The following HDAC9 variants were observed in gnomAD, a reference collection of about 807,000 sequenced individuals.
HDAC9 encodes MEF-2 interacting transcription repressor (MITR) protein.
A neutral mutation model predicts 139.4 loss-of-function variants in HDAC9; 41 were observed. The observed-to-expected ratio is 0.29, with a 90% CI of 0.23 to 0.38. HDAC9 has a LOEUF of 0.38. Among genes scored for constraint, HDAC9 ranks in the 10% least tolerant of loss-of-function variants. HDAC9 has a pLI of 1.00. For missense variants in HDAC9, 1,147 were observed against 1,297.0 expected (o/e 0.88, Z 1.78); for synonymous variants, 517 against 476.2 (o/e 1.09, Z -1.12).
intron 6 of HDAC9, among the ~76,000 whole-genome samples, chr7:18,617,417 A>G (rs1838944317): frequency 3.3e-5 from 5 of 152,140 alleles, no homozygotes; most frequent in Admixed American, 3.3e-4. Flanking sequence ...TTCCATGAAC[A>G]AATCTTTCTG....
chr7:18,461,335 A>C (rs1793830074), intron 1 of HDAC9, among the ~76,000 whole-genome samples: 1 of 152,188 alleles, frequency 6.6e-6, no homozygotes, highest in Non-Finnish European at 1.5e-5. Context: ...ATTTGGGATT[A>C]AGTTTCAGTT....
chr7:18,268,435 C>T (rs1796133050), intron 2 of HDAC9, among the ~76,000 whole-genome samples: 1 of 151,698 alleles, frequency 6.6e-6, no homozygotes, highest in African/African-American at 2.4e-5. Flanking sequence ...AGTTTATGAA[C>T]TCATTTCCAG....
intron 16 of HDAC9, among the ~76,000 whole-genome samples, chr7:18,776,928 G>C (rs1790819393): frequency 6.6e-6 from 1 of 151,906 alleles, no homozygotes; most frequent in Admixed American, 6.6e-5. Context: ...CTAGAGGTAG[G>C]GTTGTTCTAT....
At chr7:18,838,096 A>T (rs903660599) in intron 21 of HDAC9, among the ~76,000 whole-genome samples, 1 of 152,036 alleles carries the variant, frequency 6.6e-6, no homozygotes, top group Admixed American at 6.6e-5. Context: ...CCTGTCTGCT[A>T]TTCATCATTT....
intron 1 of HDAC9, among the ~76,000 whole-genome samples, chr7:18,118,443 A>G (rs147290411): frequency 6.6e-6 from 1 of 152,310 alleles, no homozygotes; most frequent in African/African-American, 2.4e-5. Context: ...GAACATAGAA[A>G]TTTTTTATAA....
chr7:18,118,684 G>C (rs1382817822), intron 1 of HDAC9, among the ~76,000 whole-genome samples: 1 of 152,032 alleles, frequency 6.6e-6, no homozygotes, highest in African/African-American at 2.4e-5. Flanking sequence ...TACAGTCCAG[G>C]GCTTAAGAAA....
intron 22 of HDAC9, among the ~76,000 whole-genome samples, chr7:18,881,352 C>G (rs1799725226): frequency 2.0e-5 from 3 of 152,144 alleles, no homozygotes; most frequent in Non-Finnish European, 4.4e-5. Flanking sequence ...TGTTTGGATT[C>G]TAAGGTCCTC....
chr7:18,993,370 T>C (rs1406989159), intron 25 of HDAC9, among the ~76,000 whole-genome samples: 1 of 152,216 alleles, frequency 6.6e-6, no homozygotes, highest in Non-Finnish European at 1.5e-5. Flanking sequence ...ATTGACAATC[T>C]AGAGACACTG....
At chr7:18,548,356 T>C (rs1446522286) in intron 2 of HDAC9, among the ~76,000 whole-genome samples, 4 of 152,162 alleles carry the variant, frequency 2.6e-5, no homozygotes, top group African/African-American at 9.7e-5. Context: ...ATTGCAAGAA[T>C]TACAAAAATT....
intron 2 of HDAC9, among the ~76,000 whole-genome samples, chr7:18,248,569 C>T (rs901490154): frequency 6.6e-6 from 1 of 152,140 alleles, no homozygotes; most frequent in African/African-American, 2.4e-5. Context: ...ATGTCTCATT[C>T]CTTCTCGCAT....
At chr7:18,290,678 G>GCAA (rs1330537608) in intron 1 of HDAC9, among the ~76,000 whole-genome samples, 1 of 152,104 alleles carries the variant, frequency 6.6e-6, no homozygotes, top group African/African-American at 2.4e-5. Flanking sequence ...AGTAACAGTA[G>GCAA]CAACAACAAC....
At position 18,965,876 on chromosome 7, in the gene HDAC9, A is replaced by G. The variant is rs559014646; in HGVS notation, c.3023-9930A>G. On this transcript the variant is annotated intron_variant, in intron 24 of 25. Coordinates refer to ENST00000686413, the MANE Select transcript of HDAC9 (RefSeq NM_178425.4). ...ATGGAAATGAGGTTGTGTGCACTCA[A>G]TTAGTAAGGGGCGGGACATGTGGAT... is the stretch of plus-strand genomic sequence containing the variant. Among the ~76,000 whole-genome samples the G allele has an allele frequency of 5.9e-4, 90 of 152,286 alleles. 1 individual carries two copies. In the South Asian group the frequency reaches 0.018, roughly 30 times the overall value.
At chr7:18,787,534 A>G (rs1791924206) in intron 16 of HDAC9, among the ~76,000 whole-genome samples, 1 of 152,202 alleles carries the variant, frequency 6.6e-6, no homozygotes, top group African/African-American at 2.4e-5. Context: ...ACATCATTAG[A>G]AACATTTGAA....
At chr7:18,984,498 G>A (rs996791454) in intron 25 of HDAC9, among the ~76,000 whole-genome samples, 1 of 152,140 alleles carries the variant, frequency 6.6e-6, no homozygotes, top group African/African-American at 2.4e-5. Context: ...TGAACAGAGA[G>A]TGTCATGGAG....
chr7:18,819,667 A>G (rs1370265818), intron 17 of HDAC9, among the ~76,000 whole-genome samples: 1 of 152,216 alleles, frequency 6.6e-6, no homozygotes, highest in Non-Finnish European at 1.5e-5. Context: ...CATAACACCA[A>G]TCTAAACAAC....
chr7:18,548,773 A>T (rs1490836443), intron 2 of HDAC9, among the ~76,000 whole-genome samples: 1 of 152,254 alleles, frequency 6.6e-6, no homozygotes, highest in African/African-American at 2.4e-5. Context: ...GCACACAAAA[A>T]TGTAATAAAT....
At chr7:18,330,642 C>G (rs993105276) in intron 1 of HDAC9, among the ~76,000 whole-genome samples, 1 of 151,436 alleles carries the variant, frequency 6.6e-6, no homozygotes, top group Non-Finnish European at 1.5e-5. Flanking sequence ...TACTCCCTCC[C>G]TGTTTTCTAA....
chr7:18,920,027 T>C (rs1462384838), intron 22 of HDAC9, among the ~76,000 whole-genome samples: 1 of 152,168 alleles, frequency 6.6e-6, no homozygotes, highest in African/African-American at 2.4e-5. Flanking sequence ...TTTCCAATTC[T>C]GTGAAGAAAG....
At chr7:18,353,130 A>G (rs1339632527) in intron 1 of HDAC9, among the ~76,000 whole-genome samples, 1 of 152,182 alleles carries the variant, frequency 6.6e-6, no homozygotes, top group Non-Finnish European at 1.5e-5. Context: ...ATGCTTAATT[A>G]GCTATACATG....
Sources: allele counts gnomAD v4.1 joint callset (sites outside exome capture counted in the v4.1 genomes callset), GRCh38; gene constraint gnomAD v4.1.1; transcripts MANE v1.5; gene names NCBI Gene and HGNC (gene_info 2026-07-23, HGNC 2026-07-21).